VAT1L: variants seen among roughly 807,000 people sequenced by gnomAD.
VAT1L encodes the protein vesicle amine transport 1 like, also known as putative NADPH-dependent quinone oxidoreductase VAT1L.
Under a neutral mutation model 44.1 loss-of-function variants are expected in VAT1L, and 34 were observed. The observed-to-expected ratio is 0.77, with a 90% CI of 0.59 to 1.03. VAT1L has a LOEUF of 1.03. VAT1L is among the 50% of genes least tolerant of loss of function. The probability of loss-of-function intolerance (pLI) is 0.00; values close to 1 mark genes in which losing one functional copy is unlikely to be tolerated. For synonymous variants in VAT1L, 253 were observed against 202.2 expected (o/e 1.25, Z -2.13); for missense variants, 615 against 538.8 (o/e 1.14, Z -1.40).
At chr16:77,961,512 G>A (rs531747972) in intron 7 of VAT1L, among the ~76,000 whole-genome samples, 91 of 152,276 alleles carry the variant, frequency 6.0e-4, no homozygotes, top group Non-Finnish European at 1.1e-3. Flanking sequence ...AGGTTTCCAT[G>A]GCCCTCTTCT....
Position 77,862,807 on chromosome 16 carries a change from C to T in VAT1L, c.639C>T (p.Ala213=), listed in dbSNP as rs1470745186. 1.2e-6 allele frequency: 2 copies of T among 1,613,906 alleles called. No individual in the cohort carries two copies. Among genetic ancestry groups the T allele is most frequent in the Middle Eastern group, 1.6e-4 (1 of 6,082 alleles). ...TVPNVTVFGT[A]STFKHEAIKD... is the part of the protein sequence containing the mutation. ...CCAACGTGACTGTCTTTGGAACAGC[C>T]TCTACTTTCAAGCATGAAGCAATCA... The change falls in exon 4 of 9, where the codon GCC becomes GCT. Residue 213 remains alanine (A), a synonymous_variant. Coordinates refer to ENST00000302536, the MANE Select transcript of VAT1L (RefSeq NM_020927.3).
At chr16:77,885,945 T>A (rs1057136726) in intron 7 of VAT1L, among the ~76,000 whole-genome samples, 7 of 152,186 alleles carry the variant, frequency 4.6e-5, no homozygotes, top group Non-Finnish European at 8.8e-5. Context: ...TACTGCAGTG[T>A]CATGGATGGG....
intron 5 of VAT1L, among the ~76,000 whole-genome samples, chr16:77,878,537 C>T (rs182415201): frequency 6.6e-5 from 10 of 152,092 alleles, no homozygotes; most frequent in African/African-American, 2.4e-4. Flanking sequence ...TTCCCAACTC[C>T]ACCTCCCATC....
intron 1 of VAT1L, among the ~76,000 whole-genome samples, chr16:77,798,525 G>C (rs1028626405): frequency 1.3e-5 from 2 of 152,178 alleles, no homozygotes; most frequent in South Asian, 4.1e-4. Flanking sequence ...TTTGTTGAAT[G>C]AATGAATAAA....
At chr16:77,861,557 T>C (rs2016914705) in intron 3 of VAT1L, among the ~76,000 whole-genome samples, 1 of 152,280 alleles carries the variant, frequency 6.6e-6, no homozygotes, top group African/African-American at 2.4e-5. Context: ...GGATTTATTA[T>C]CTAAGTGTCA....
At chr16:77,873,230 G>A (rs1387645985) in intron 4 of VAT1L, among the ~76,000 whole-genome samples, 2 of 152,178 alleles carry the variant, frequency 1.3e-5, no homozygotes, top group African/African-American at 2.4e-5. Flanking sequence ...ACCTAGAATT[G>A]AATTCCAGCT....
intron 7 of VAT1L, among the ~76,000 whole-genome samples, chr16:77,915,006 T>G (rs1436960992): frequency 6.6e-6 from 1 of 152,126 alleles, no homozygotes. Context: ...ATGTCTGTAA[T>G]CCCAGCTACT....
At chr16:77,797,704 A>G (rs1444258046) in intron 1 of VAT1L, among the ~76,000 whole-genome samples, 1 of 152,162 alleles carries the variant, frequency 6.6e-6, no homozygotes, top group Non-Finnish European at 1.5e-5. Context: ...GAGCTCACCC[A>G]GGCATGAAGA....
intron 3 of VAT1L, among the ~76,000 whole-genome samples, chr16:77,830,609 A>T (rs911168252): frequency 8.5e-5 from 13 of 152,156 alleles, no homozygotes; most frequent in African/African-American, 3.1e-4. Context: ...GTAAGACATG[A>T]CTTTGGTCCT....
In VAT1L at chr16:77,818,924, C is replaced by T. The variant is rs145753465; in HGVS notation, c.363+1874C>T. On this transcript the variant is annotated intron_variant, in intron 2 of 8. Coordinates refer to ENST00000302536, the MANE Select transcript of VAT1L (RefSeq NM_020927.3). The stretch of plus-strand genomic sequence containing the variant: ...GAATAGCTCTCTTGGTTTGATAGAT[C>T]GCAAAGGATGATGAAAAGCTGTCAC... Among the ~76,000 whole-genome samples the T allele has an allele frequency of 3.6e-3, 548 of 152,212 alleles. 3 individuals are homozygous for T. Among genetic ancestry groups the T allele is most frequent in the Non-Finnish European group, 6.3e-3 (430 of 68,014 alleles).
intron 7 of VAT1L, among the ~76,000 whole-genome samples, chr16:77,888,473 G>T (rs887341132): frequency 2.6e-5 from 4 of 152,202 alleles, no homozygotes; most frequent in South Asian, 2.1e-4. Flanking sequence ...TGTTGATTGA[G>T]TGAATTAATG....
Position 77,940,340 on chromosome 16 carries a change from G to GTTTT in VAT1L, c.1078-31493_1078-31490dup, listed in dbSNP as rs66546770. 7.2e-3 allele frequency among the ~76,000 whole-genome samples: 807 copies of GTTTT among 112,464 alleles called. 10 individuals carry two copies. Among genetic ancestry groups the GTTTT allele is most frequent in the Non-Finnish European group, 9.3e-3 (539 of 57,720 alleles). 73.8% of individuals were successfully genotyped at this position (112,464 alleles called of 152,430 possible). Reference sequence around the variant, plus strand: ...CAAGCCAGGTCTAACATACCACTTGGTTTTTTTTTTTTTTTTTTTTGGAGA... The same window carrying GTTTT: ...CAAGCCAGGTCTAACATACCACTTGGTTTTTTTTTTTTTTTTTTTTTTTTGGAGA... On this transcript the variant is annotated intron_variant, in intron 7 of 8. Transcript: ENST00000302536.
intron 6 of VAT1L, among the ~76,000 whole-genome samples, chr16:77,883,218 T>G (rs1458149497): frequency 2.0e-5 from 3 of 152,226 alleles, no homozygotes; most frequent in African/African-American, 7.2e-5. Context: ...CTTTGCATCC[T>G]GTATTGAAAT....
chr16:77,899,192 G>A (rs8051811), intron 7 of VAT1L, among the ~76,000 whole-genome samples: 2,311 of 152,294 alleles, frequency 0.015, 42 homozygotes, highest in African/African-American at 0.052. Flanking sequence ...AGAGCATTAA[G>A]TGACCTGGTC....
At chr16:77,937,150 G>A (rs534408246) in intron 7 of VAT1L, among the ~76,000 whole-genome samples, 2 of 152,256 alleles carry the variant, frequency 1.3e-5, no homozygotes, top group South Asian at 4.2e-4. Flanking sequence ...CAAAGTGCTG[G>A]GATTACAGGC....
At chr16:77,809,699 T>C (rs1182755207) in intron 1 of VAT1L, among the ~76,000 whole-genome samples, 1 of 152,258 alleles carries the variant, frequency 6.6e-6, no homozygotes, top group Non-Finnish European at 1.5e-5. Context: ...GGGGATCTAC[T>C]GCCATTGCCC....
intron 2 of VAT1L, among the ~76,000 whole-genome samples, chr16:77,822,250 T>C (rs2016463941): frequency 6.6e-6 from 1 of 152,184 alleles, no homozygotes; most frequent in South Asian, 2.1e-4. Flanking sequence ...TTCTCCTGCC[T>C]CAGCCTCCCA....
Position 77,891,081 on chromosome 16 carries a change from G to A in VAT1L, c.1077+6279G>A, listed in dbSNP as rs558254801. Among the ~76,000 whole-genome samples, 19 of 152,266 alleles carry A rather than the reference G, an allele frequency of 1.2e-4. No individual in the cohort carries two copies. The East Asian group carries it at 3.1e-3, about 25-fold the overall frequency. ...TAAAAATTCAGCTTCTCGGCCGGGC[G>A]TGGTGGCTCATGCCTGTAATCCCAG... On this transcript the variant is annotated intron_variant, in intron 7 of 8. Coordinates refer to ENST00000302536, the MANE Select transcript of VAT1L (RefSeq NM_020927.3).
At chr16:77,844,569 T>C (rs1384853244) in intron 3 of VAT1L, among the ~76,000 whole-genome samples, 1 of 152,046 alleles carries the variant, frequency 6.6e-6, no homozygotes, top group Non-Finnish European at 1.5e-5. Context: ...CCACCACGCC[T>C]GGCTACTTTT....
Sources: gnomAD v4.1 joint callset for allele counts (sites outside exome capture counted in the v4.1 genomes callset) on GRCh38, gnomAD v4.1.1 for gene constraint, MANE v1.5 for transcripts, NCBI Gene and HGNC (gene_info 2026-07-23, HGNC 2026-07-21) for gene names.